ZNF717: variants seen among roughly 807,000 people sequenced by gnomAD.
ZNF717 encodes the protein krueppel-like factor X17.
A neutral mutation model predicts 13.8 loss-of-function variants in ZNF717; 9 were observed. The observed-to-expected ratio is 0.65, with a 90% CI of 0.39 to 1.14. The LOEUF is 1.14. ZNF717 is among the 50% of genes most tolerant of loss of function. ZNF717 has a pLI of 0.01. For synonymous variants in ZNF717, 327 were observed against 364.1 expected (o/e 0.90, Z 1.16); for missense variants, 1,040 against 1,080.7 (o/e 0.96, Z 0.53).
At chr3:75,752,856 C>T (rs1257240383) in intron 2 of ZNF717, among the ~76,000 whole-genome samples, 1 of 151,078 alleles carries the variant, frequency 6.6e-6, no homozygotes. Flanking sequence ...GATTCAAGAA[C>T]ACTCCTGCTG....
intron 6 of ZNF717, among the ~76,000 whole-genome samples, chr3:75,695,414 T>C (rs1285491514): frequency 1.6e-4 from 24 of 151,836 alleles, no homozygotes; most frequent in Non-Finnish European, 2.5e-4. Context: ...AGTCATTGGA[T>C]AGACCTTCCA....
intron 2 of ZNF717, among the ~76,000 whole-genome samples, chr3:75,766,629 G>A (rs1247512215): frequency 7.2e-5 from 11 of 152,142 alleles, no homozygotes; most frequent in South Asian, 6.2e-4. Context: ...AGTAACTGAC[G>A]GAACAACCAA....
intron 4 of ZNF717, among the ~76,000 whole-genome samples, chr3:75,723,977 A>G (rs73114987): frequency 6.6e-6 from 1 of 152,116 alleles, no homozygotes; most frequent in Non-Finnish European, 1.5e-5. Flanking sequence ...TCCGCCCTGT[A>G]CACCTGGCTC....
rs1939854501 is a variant in ZNF717 at position 75,738,584 on chromosome 3, T to C, written c.1039A>G (p.Thr347Ala). 3.2e-6 allele frequency: 5 copies of C among 1,541,682 alleles called. No homozygotes were observed. In the African/African-American group the frequency reaches 4.1e-5, roughly 13 times the overall value. The change falls in exon 5 of 5, where the codon ACC (threonine) becomes GCC (alanine). Residue 347 changes from threonine to alanine, a missense_variant. Transcript: ENST00000652011. ...GTGAGGAATGACTTACGGCGAAAGGTTTTACCACATTCATTGCATCCATAG... is the reference window on the plus strand; with the variant it reads ...GTGAGGAATGACTTACGGCGAAAGGCTTTACCACATTCATTGCATCCATAG... ...KPYGCNECGK[T>A]FRRKSFLTLH...
chr3:75,763,491 T>C (rs76831574), intron 2 of ZNF717, among the ~76,000 whole-genome samples: 1 of 152,260 alleles, frequency 6.6e-6, no homozygotes, highest in Non-Finnish European at 1.5e-5. Context: ...ACATCATGTA[T>C]CTCATAAGAA....
chr3:75,732,161 AG>A (rs1187309274), downstream of ZNF717: 1 of 702,686 alleles, frequency 1.4e-6, no homozygotes, highest in Non-Finnish European at 2.6e-6. Context: ...AAAATATGCC[AG>A]AGCAACCTGT....
chr3:75,767,731 T>C (rs3890036), intron 2 of ZNF717, among the ~76,000 whole-genome samples: 107,641 of 144,972 alleles, frequency 0.74, 38,645 homozygotes, highest in African/African-American at 0.88. Flanking sequence ...CTGAGAAGAA[T>C]GTGGAAAGTG....
At chr3:75,774,608 T>G (rs981027392) in intron 2 of ZNF717, among the ~76,000 whole-genome samples, 1 of 130,418 alleles carries the variant, frequency 7.7e-6, no homozygotes, top group Non-Finnish European at 1.7e-5. Context: ...AAAATTCTTG[T>G]GGTTTTTTTT....
intron 2 of ZNF717, among the ~76,000 whole-genome samples, chr3:75,777,187 C>T (rs929331680): frequency 1.3e-5 from 2 of 152,240 alleles, no homozygotes; most frequent in Non-Finnish European, 2.9e-5. Flanking sequence ...CTATGAGTGA[C>T]ATGCTAAACC....
chr3:75,774,834 T>C (rs1033940281), intron 2 of ZNF717, among the ~76,000 whole-genome samples: 2 of 152,170 alleles, frequency 1.3e-5, no homozygotes. Flanking sequence ...TTAGCCAGGA[T>C]GGTCTTGATC....
chr3:75,702,607 CTAAA>C (rs1937718109), intron 6 of ZNF717, among the ~76,000 whole-genome samples: 1 of 152,292 alleles, frequency 6.6e-6, no homozygotes, highest in African/African-American at 2.4e-5. Flanking sequence ...ATTAAAAAAA[CTAAA>C]AGAGTATAAT....
downstream of ZNF717, among the ~76,000 whole-genome samples, chr3:75,728,963 C>T (rs75133954): frequency 1.2e-5 from 1 of 85,160 alleles, no homozygotes; most frequent in East Asian, 3.5e-4. Flanking sequence ...CCATGCCTTT[C>T]TCTCAGTGAA....
At chr3:75,716,219 T>C (rs1174376483) in intron 5 of ZNF717, among the ~76,000 whole-genome samples, 14 of 150,944 alleles carry the variant, frequency 9.3e-5, no homozygotes, top group Non-Finnish European at 3.0e-5. Flanking sequence ...GACCTCCTGA[T>C]CCACCCACCT....
At position 75,704,141 on chromosome 3, in the gene ZNF717, G is replaced by C. The variant is rs1937752167; in HGVS notation, n.1085+7046C>G. Reference sequence around the variant, plus strand: ...TTAATTATAACTCTTTCTCTTTATAGTTACTTATAAGTAGAGACACTAACA... The same window carrying C: ...TTAATTATAACTCTTTCTCTTTATACTTACTTATAAGTAGAGACACTAACA... On this transcript the variant is annotated intron_variant and non_coding_transcript_variant, in intron 6 of 6. Coordinates refer to the ZNF717 transcript ENST00000648506. Among the ~76,000 whole-genome samples, 4 of 152,310 alleles carry C rather than the reference G, an allele frequency of 2.6e-5. No individual in the cohort carries two copies. In the South Asian group the frequency reaches 8.3e-4, roughly 31 times the overall value.
intron 6 of ZNF717, among the ~76,000 whole-genome samples, chr3:75,699,203 T>C (rs77200786): frequency 0.077 from 7,869 of 101,890 alleles, no homozygotes; most frequent in Admixed American, 0.14. Flanking sequence ...TACAGGCTTA[T>C]AGGAGGAAGG....
Position 75,738,527 on chromosome 3 carries a change from G to C in ZNF717, c.1096C>G (p.Pro366Ala). The C allele has an allele frequency of 8.4e-6, 13 of 1,541,742 alleles. No homozygotes were observed. The highest frequency in any genetic ancestry group is 9.7e-6 in the Non-Finnish European group (11 of 1,139,732). Residue 366 changes from proline (P) to alanine (A), a missense_variant, in exon 5 of 5, where the codon CCC becomes GCC. Pro to Ala is a conservative substitution (Grantham distance 27, BLOSUM62 -1). Transcript: ENST00000652011. ...TTTCCACATTCAATACATTTGTAGG[G>C]TTTATCCCCTGTGTGAGTTCTCTCA... Reference protein sequence around the residue: ...LHERTHTGDKPYKCIECGKTF... With the variant: ...LHERTHTGDKAYKCIECGKTF...
At chr3:75,727,653 T>C (rs1938315057), downstream of ZNF717, among the ~76,000 whole-genome samples, 1 of 152,272 alleles carries the variant, frequency 6.6e-6, no homozygotes, top group African/African-American at 2.4e-5. Context: ...CTAGTCAGAC[T>C]GGTTCTCTGC....
exon 6 of ZNF717, chr3:75,710,506 G>A (rs1575715814): frequency 6.6e-6 from 1 of 152,108 alleles, no homozygotes; most frequent in African/African-American, 2.4e-5. Context: ...GAGGAGGAGG[G>A]GTAAAAATCT....
intron 2 of ZNF717, among the ~76,000 whole-genome samples, chr3:75,748,995 C>T (rs1234917835): frequency 2.0e-5 from 3 of 152,128 alleles, no homozygotes; most frequent in Admixed American, 6.6e-5. Flanking sequence ...GATTTCAAAA[C>T]ACTGCTGCTG....
Sources: gnomAD v4.1 joint callset for allele counts (sites outside exome capture counted in the v4.1 genomes callset) on GRCh38, gnomAD v4.1.1 for gene constraint, MANE v1.5 for transcripts, NCBI Gene and HGNC (gene_info 2026-07-23, HGNC 2026-07-21) for gene names.